Variants in KCNT1 observed in about 807,000 individuals in gnomAD.
KCNT1 encodes the protein potassium sodium-activated channel subfamily T member 1.
KCNT1 carries 78 observed loss-of-function variants against 147.8 expected under a neutral mutation model. The ratio of observed to expected loss-of-function variants is 0.53; its 90% CI spans 0.44 to 0.64. The LOEUF (loss-of-function observed/expected upper bound fraction) is 0.64, where lower values mean the gene tolerates loss of function less well. KCNT1 is among the 30% of genes least tolerant of loss of function. KCNT1 has a pLI of 0.00. For synonymous variants in KCNT1, 867 were observed against 748.8 expected, an observed-to-expected ratio of 1.16 and a Z score of -2.58; for missense variants, 1,419 against 1,750.3, an observed-to-expected ratio of 0.81 and a Z score of 3.38.
Position 135,793,522 on chromosome 9 carries a change from G to A in KCNT1, c.*1361G>A, listed in dbSNP as rs957153862. ...GTGGCTGCTGGGGATCCCCTACACT[G>A]GGGGTCAGGGCTGCCCCAGGTGGGG... On this transcript the variant is annotated 3_prime_UTR_variant, in exon 31 of 31. Coordinates refer to ENST00000371757, the MANE Select transcript of KCNT1 (RefSeq NM_020822.3). The A allele has an allele frequency of 6.6e-6, 1 of 152,296 alleles. No individual in the cohort carries two copies. The highest frequency in any genetic ancestry group is 1.5e-5 in the Non-Finnish European group (1 of 68,134). The allele number at this position is 152,296 out of a possible 1,614,324, so 9.4% of individuals were successfully genotyped here.
intron 29 of KCNT1, among the ~76,000 whole-genome samples, chr9:135,788,649 G>A (rs1292953533): frequency 6.6e-6 from 1 of 152,212 alleles, no homozygotes. Context: ...GCTGGATGCA[G>A]GGGTGGGGAC....
intron 24 of KCNT1, among the ~76,000 whole-genome samples, chr9:135,783,410 G>A (rs1271112084): frequency 6.6e-6 from 1 of 152,234 alleles, no homozygotes; most frequent in Non-Finnish European, 1.5e-5. Flanking sequence ...TCCAGAGGGA[G>A]CGGGGCCCTG....
Position 135,771,209 on chromosome 9 carries a change from T to C in KCNT1, c.2008+114T>C, listed in dbSNP as rs150112196. ...GGAGACCAGGCAGGACAGGGGGAGG[T>C]GACCAGGTGGGACAGGAGACCAGGC... On this transcript the variant is annotated intron_variant, in intron 18 of 30. Transcript: ENST00000371757. 6.2e-3 allele frequency: 6,044 copies of C among 978,296 alleles called. 252 individuals are homozygous for C. In the African/African-American group the frequency reaches 0.089, roughly 14 times the overall value. 60.6% of individuals were successfully genotyped at this position (978,296 alleles called of 1,614,324 possible).
rs1170183885 is a variant in KCNT1, at chr9:135,784,015, T to C, written c.2842-9T>C. The C allele has an allele frequency of 6.2e-7, 1 of 1,605,914 alleles. No individual in the cohort carries two copies. The highest frequency in any genetic ancestry group is 1.7e-5 in the Admixed American group (1 of 60,018). On this transcript the variant is annotated splice_polypyrimidine_tract_variant and intron_variant, in intron 24 of 30. Coordinates refer to ENST00000371757, the MANE Select transcript of KCNT1 (RefSeq NM_020822.3). ...CACCAGCCCATCTGAGGCCCCTCCTTTCCCACAGAGGGAGCGAGAGAATGG... is the reference window on the plus strand; with the variant it reads ...CACCAGCCCATCTGAGGCCCCTCCTCTCCCACAGAGGGAGCGAGAGAATGG...
chr9:135,746,433 G>A (rs1830836627), intron 2 of KCNT1, among the ~76,000 whole-genome samples: 1 of 152,228 alleles, frequency 6.6e-6, no homozygotes, highest in Non-Finnish European at 1.5e-5. Flanking sequence ...AGCTGCTGGG[G>A]GCGCGACTAG....
rs367727105 is a variant in KCNT1 at position 135,786,533 on chromosome 9, C to A, written c.3502+12C>A. 3 of 1,575,516 alleles carry A rather than the reference C, an allele frequency of 1.9e-6. No homozygotes were observed. The highest frequency in any genetic ancestry group is 2.3e-5 in the South Asian group (2 of 86,918). ...CACCACCGGCTACGGTAAGGGCACACGGCGCGGGTGGGGGCCGGACGGACG... is the reference window on the plus strand; with the variant it reads ...CACCACCGGCTACGGTAAGGGCACAAGGCGCGGGTGGGGGCCGGACGGACG... On this transcript the variant is annotated intron_variant, in intron 29 of 30. Coordinates refer to ENST00000371757, the MANE Select transcript of KCNT1 (RefSeq NM_020822.3).
At chr9:135,712,219 C>G (rs1389348153) in intron 1 of KCNT1, among the ~76,000 whole-genome samples, 2 of 152,140 alleles carry the variant, frequency 1.3e-5, no homozygotes, top group Non-Finnish European at 2.9e-5. Context: ...GTGTGTGAGT[C>G]CCACAGGTTG....
At chr9:135,771,833 G>C (rs769926820) in intron 18 of KCNT1, among the ~76,000 whole-genome samples, 6 of 152,190 alleles carry the variant, frequency 3.9e-5, no homozygotes, top group Non-Finnish European at 8.8e-5. Context: ...AAGCCACTCA[G>C]GCCACAGACC....
chr9:135,741,936 C>G (rs1450495191), intron 2 of KCNT1, among the ~76,000 whole-genome samples: 2 of 152,228 alleles, frequency 1.3e-5, no homozygotes, highest in East Asian at 1.9e-4. Flanking sequence ...CCTGCCCAGC[C>G]CCCGACCAGG....
intron 2 of KCNT1, among the ~76,000 whole-genome samples, chr9:135,721,360 G>A (rs571330889): frequency 9.2e-5 from 14 of 152,190 alleles, no homozygotes; most frequent in African/African-American, 3.4e-4. Flanking sequence ...GTGTGCAGGC[G>A]TACTAATAGG....
chr9:135,725,718 G>C (rs543847639), intron 2 of KCNT1, among the ~76,000 whole-genome samples: 1 of 152,236 alleles, frequency 6.6e-6, no homozygotes, highest in Non-Finnish European at 1.5e-5. Context: ...AGGTTCCCAC[G>C]TGGAGCTGTG....
chr9:135,713,212 G>T (rs146804814), intron 1 of KCNT1, among the ~76,000 whole-genome samples: 4,494 of 152,362 alleles, frequency 0.029, 94 homozygotes, highest in Middle Eastern at 0.082. Flanking sequence ...CCGACCCCTG[G>T]CCACGTGGTT....
At position 135,791,717 on chromosome 9, in the gene KCNT1, C is replaced by T; in HGVS notation, c.3503-80C>T. The T allele has an allele frequency of 1.1e-5, 13 of 1,198,966 alleles. No individual in the cohort carries two copies. The South Asian group carries it at 1.6e-4, about 15-fold the overall frequency. 74.3% of individuals were successfully genotyped at this position (1,198,966 alleles called of 1,614,324 possible). A position where few individuals can be genotyped will look rare whatever the true frequency, so the allele number is the denominator to read the frequency against. ...CGGAAAGACTCAGCTCATCCTGGAG[C>T]CCCCACACCTCTGGGCCCCTGCAGA... On this transcript the variant is annotated intron_variant, in intron 29 of 30. Transcript: ENST00000371757.
At chr9:135,715,927 GC>G (rs1182829307) in intron 2 of KCNT1, among the ~76,000 whole-genome samples, 2 of 152,152 alleles carry the variant, frequency 1.3e-5, no homozygotes, top group African/African-American at 4.8e-5. Context: ...CTGCAGAGAG[GC>G]CTTTTAAACT....
rs945605905 is a variant in KCNT1 at position 135,784,962 on chromosome 9, G to A, written c.3156+73G>A. 3.4e-5 allele frequency: 54 copies of A among 1,566,810 alleles called. No homozygotes were observed. The East Asian group carries it at 6.8e-4, about 20-fold the overall frequency. On this transcript the variant is annotated intron_variant, in intron 27 of 30. Coordinates refer to ENST00000371757, the MANE Select transcript of KCNT1 (RefSeq NM_020822.3). ...GTGACCCACAGCATCCCCACCTTCC[G>A]GGGGCTGGGACTGTGGCAGCCCCTG...
chr9:135,751,297 C>T (rs540790608), intron 4 of KCNT1, among the ~76,000 whole-genome samples: 1 of 151,972 alleles, frequency 6.6e-6, no homozygotes, highest in South Asian at 2.1e-4. Context: ...CTAGCGGACC[C>T]AGAAGGTCCA....
rs775749740 is a variant in KCNT1 at position 135,752,707 on chromosome 9, A to C, written c.435-1230A>C. Among the ~76,000 whole-genome samples, 8 of 147,730 alleles carry C rather than the reference A, an allele frequency of 5.4e-5. No homozygotes were observed. In the South Asian group the frequency reaches 1.7e-3, roughly 32 times the overall value. ...GAGTGGATGGGTGGATAATGGATGG[A>C]TAGGTGGATGCATGGTGGGTAGATG... On this transcript the variant is annotated intron_variant, in intron 4 of 30. Transcript: ENST00000371757. This position sits in a 1 kb window ranked among gnomAD's most constrained non-coding sequence, Gnocchi z 5.1.
At position 135,702,357 on chromosome 9, in the gene KCNT1, A is replaced by T; in HGVS notation, c.99A>T (p.Gln33His). 1 of 1,610,804 alleles carries T rather than the reference A, an allele frequency of 6.2e-7. No homozygotes were observed. The highest frequency in any genetic ancestry group is 8.5e-7 in the Non-Finnish European group (1 of 1,178,792). The stretch of plus-strand genomic sequence containing the variant: ...GGACCTTCGAGTTTGACGACGGCCA[A>T]TGCGCCCCCAGGTACAGTCTGCTGC... ...TNRTFEFDDG[Q>H]CAPRRPCAGD... The change falls in exon 1 of 31, where the codon CAA becomes CAT. Residue 33 changes from glutamine (Q) to histidine (H), a missense_variant. By Grantham distance (24) the Gln-to-His change is conservative. Transcript: ENST00000371757.
intron 11 of KCNT1, 66 bp downstream of exon 11, chr9:135,759,925 A>T: frequency 6.9e-7 from 1 of 1,450,276 alleles, no homozygotes; most frequent in South Asian, 1.3e-5. Context: ...CAGTAGAGGG[A>T]GGGTGCCACT....
Sources: allele counts gnomAD v4.1 joint callset (sites outside exome capture counted in the v4.1 genomes callset), GRCh38; gene constraint gnomAD v4.1.1; non-coding constraint Gnocchi (gnomAD v3.1); transcripts MANE v1.5; gene names NCBI Gene and HGNC (gene_info 2026-07-23, HGNC 2026-07-21).